SLC35A3: variants seen among roughly 807,000 people sequenced by gnomAD.
The protein encoded by SLC35A3 is solute carrier family 35 member A3, also known as UDP-N-acetylglucosamine transporter.
A neutral mutation model predicts 39.0 loss-of-function variants in SLC35A3; 26 were observed. The ratio of observed to expected loss-of-function variants is 0.67; its 90% CI spans 0.49 to 0.92. The LOEUF (loss-of-function observed/expected upper bound fraction) is 0.92, where lower values mean the gene tolerates loss of function less well. Among genes scored for constraint, SLC35A3 ranks in the 40% least tolerant of loss-of-function variants. SLC35A3 has a pLI of 0.00. For missense variants in SLC35A3, 299 were observed against 371.6 expected (o/e 0.80, Z 1.61); for synonymous variants, 135 against 133.1 (o/e 1.01, Z -0.10).
intron 1 of SLC35A3, among the ~76,000 whole-genome samples, chr1:99,992,834 A>C (rs1309720643): frequency 2.0e-5 from 3 of 152,150 alleles, no homozygotes; most frequent in Admixed American, 6.5e-5. Flanking sequence ...CTTCTATGTT[A>C]ATAGACAGCC....
intron 1 of SLC35A3, among the ~76,000 whole-genome samples, chr1:99,990,601 G>C (rs1303103094): frequency 6.6e-6 from 1 of 152,034 alleles, no homozygotes; most frequent in Admixed American, 6.6e-5. Context: ...AAAATACATA[G>C]ATCTCATTAT....
chr1:99,973,966 A>G (rs113492003), intron 1 of SLC35A3, among the ~76,000 whole-genome samples: 7,913 of 151,428 alleles, frequency 0.052, 409 homozygotes, highest in African/African-American at 0.13. Flanking sequence ...AGTGAGCCAA[A>G]ATCGCTCCAT....
At chr1:100,020,151 GC>G (rs1660435850) in intron 7 of SLC35A3, among the ~76,000 whole-genome samples, 1 of 152,078 alleles carries the variant, frequency 6.6e-6, no homozygotes, top group Non-Finnish European at 1.5e-5. Context: ...GTTAGAGGGG[GC>G]TCAAATCCTT....
intron 2 of SLC35A3, among the ~76,000 whole-genome samples, chr1:99,994,782 G>T (rs1658284580): frequency 2.0e-5 from 3 of 152,126 alleles, no homozygotes; most frequent in Admixed American, 2.0e-4. Flanking sequence ...ACAAGTATCT[G>T]TTCGAGTCCC....
intron 3 of SLC35A3, among the ~76,000 whole-genome samples, chr1:100,006,339 T>G (rs1659227114): frequency 6.6e-6 from 1 of 152,040 alleles, no homozygotes; most frequent in South Asian, 2.1e-4. Flanking sequence ...TAGTGCTGCT[T>G]GAGGTAGCAG....
At chr1:100,021,722 C>A (rs1660563445) in intron 7 of SLC35A3, among the ~76,000 whole-genome samples, 3 of 151,512 alleles carry the variant, frequency 2.0e-5, no homozygotes, top group Non-Finnish European at 4.4e-5. Flanking sequence ...CATATCCTGT[C>A]TAAATTCATT....
intron 1 of SLC35A3, among the ~76,000 whole-genome samples, chr1:99,990,103 T>C (rs1216483640): frequency 1.3e-5 from 2 of 152,158 alleles, no homozygotes; most frequent in South Asian, 2.1e-4. Flanking sequence ...TTTTCATTTA[T>C]GGTTTGTGCT....
At chr1:100,010,195 A>G (rs1659531182) in intron 4 of SLC35A3, among the ~76,000 whole-genome samples, 1 of 152,160 alleles carries the variant, frequency 6.6e-6, no homozygotes, top group Non-Finnish European at 1.5e-5. Context: ...GACTAGAATA[A>G]ATATAAAGAT....
In SLC35A3 at chr1:99,993,514, G is replaced by A. The variant is rs368298769; in HGVS notation, c.-18-23G>A. The stretch of plus-strand genomic sequence containing the variant: ...TCATATGTTGTAATCTTATTTATTT[G>A]CCCTGTTTATTTTGTTTTTCAGGCA... On this transcript the variant is annotated intron_variant, in intron 1 of 7. Coordinates refer to ENST00000533028, the MANE Select transcript of SLC35A3 (RefSeq NM_012243.3). The A allele has an allele frequency of 2.5e-6, 4 of 1,585,486 alleles. No homozygotes were observed. The African/African-American group carries it at 5.4e-5, about 22-fold the overall frequency.
chr1:100,003,695 A>G (rs1005508249), intron 3 of SLC35A3, among the ~76,000 whole-genome samples: 3 of 152,166 alleles, frequency 2.0e-5, no homozygotes, highest in African/African-American at 7.2e-5. Flanking sequence ...TCTAGATGAT[A>G]TATGTGCAAA....
intron 1 of SLC35A3, among the ~76,000 whole-genome samples, chr1:99,984,528 G>A (rs1028346237): frequency 6.6e-6 from 1 of 152,144 alleles, no homozygotes; most frequent in Non-Finnish European, 1.5e-5. Flanking sequence ...ATTGCAAATT[G>A]TGCTGCTATA....
intron 1 of SLC35A3, among the ~76,000 whole-genome samples, chr1:99,987,754 G>C (rs1055322808): frequency 6.6e-6 from 1 of 152,146 alleles, no homozygotes; most frequent in African/African-American, 2.4e-5. Flanking sequence ...CTGGTAGCTT[G>C]ATAGCTTGGG....
At position 100,031,948 on chromosome 1, in the gene SLC35A3, T is replaced by C. The variant is rs1428242091; in HGVS notation, c.*9472T>C. The stretch of plus-strand genomic sequence containing the variant: ...TGAAGGACCAAAGTTACTTTGCTCC[T>C]ATTATGTGGTTTGATTTGTTCCCTT... On this transcript the variant is annotated 3_prime_UTR_variant, in exon 8 of 8. Coordinates refer to ENST00000533028, the MANE Select transcript of SLC35A3 (RefSeq NM_012243.3). 3.3e-5 allele frequency: 5 copies of C among 152,226 alleles called. No individual in the cohort carries two copies. The highest frequency in any genetic ancestry group is 6.5e-5 in the Admixed American group (1 of 15,276). The allele number at this position is 152,226 out of a possible 1,614,324, so 9.4% of individuals were successfully genotyped here.
rs148246061 is a variant in SLC35A3 at position 100,020,929 on chromosome 1, G to A, written c.888-1457G>A. On this transcript the variant is annotated intron_variant, in intron 7 of 7. Transcript: ENST00000533028. ...GGGTGGCATGAAGTGGGAAGGATGAGTTTGGAGGGACCATATTATGAAGGG... is the reference window on the plus strand; with the variant it reads ...GGGTGGCATGAAGTGGGAAGGATGAATTTGGAGGGACCATATTATGAAGGG... 4.4e-3 allele frequency among the ~76,000 whole-genome samples: 662 copies of A among 152,132 alleles called. 2 individuals carry two copies. Among genetic ancestry groups the A allele is most frequent in the Non-Finnish European group, 7.1e-3 (480 of 68,000 alleles).
chr1:99,987,950 T>C (rs1490702949), intron 1 of SLC35A3, among the ~76,000 whole-genome samples: 1 of 152,236 alleles, frequency 6.6e-6, no homozygotes, highest in East Asian at 1.9e-4. Flanking sequence ...AGGAATGCTA[T>C]TATTTGGTAT....
At chr1:99,972,142 C>T (rs1004030111) in intron 1 of SLC35A3, among the ~76,000 whole-genome samples, 1 of 151,928 alleles carries the variant, frequency 6.6e-6, no homozygotes, top group African/African-American at 2.4e-5. Flanking sequence ...CTCAGGTGAT[C>T]CACCTGCCTC....
intron 3 of SLC35A3, among the ~76,000 whole-genome samples, chr1:100,005,993 T>C (rs764456083): frequency 2.0e-5 from 3 of 152,226 alleles, no homozygotes; most frequent in South Asian, 2.1e-4. Flanking sequence ...ATAGCTTTCA[T>C]AGGGAAAGAC....
At chr1:100,003,083 G>T (rs11801439) in intron 3 of SLC35A3, among the ~76,000 whole-genome samples, 6,730 of 152,056 alleles carry the variant, frequency 0.044, 174 homozygotes, top group African/African-American at 0.06. Flanking sequence ...GTATCTCATA[G>T]GTTTTGGTAT....
At chr1:100,005,604 A>T (rs562844532) in intron 3 of SLC35A3, among the ~76,000 whole-genome samples, 7 of 152,042 alleles carry the variant, frequency 4.6e-5, no homozygotes, top group Non-Finnish European at 1.0e-4. Context: ...GAAATTCTTT[A>T]TTCTGTTTCA....
Sources: gnomAD v4.1 joint callset for allele counts (sites outside exome capture counted in the v4.1 genomes callset) on GRCh38, gnomAD v4.1.1 for gene constraint, MANE v1.5 for transcripts, NCBI Gene and HGNC (gene_info 2026-07-23, HGNC 2026-07-21) for gene names.